DIP2B: variants seen among roughly 807,000 people sequenced by gnomAD.
DIP2B encodes the protein DIP2 acetate--CoA ligase B (putative).
Under a neutral mutation model 198.0 loss-of-function variants are expected in DIP2B, and 76 were observed. The ratio of observed to expected loss-of-function variants is 0.38; its 90% CI spans 0.32 to 0.46. DIP2B has a LOEUF of 0.46. Ranked by LOEUF, DIP2B falls within the 20% of genes least tolerant of loss-of-function variation. The pLI is 0.99. For missense variants in DIP2B, 1,559 were observed against 1,978.4 expected (o/e 0.79, Z 4.02); for synonymous variants, 701 against 739.1 (o/e 0.95, Z 0.84).
chr12:50,735,433 T>G (rs1421509188), intron 34 of DIP2B, among the ~76,000 whole-genome samples: 7 of 150,504 alleles, frequency 4.7e-5, no homozygotes, highest in Admixed American at 2.0e-4. Context: ...TGGTTCTATG[T>G]TTTTTTTTCA....
chr12:50,545,102 T>G (rs1239503113), intron 1 of DIP2B, among the ~76,000 whole-genome samples: 1 of 152,164 alleles, frequency 6.6e-6, no homozygotes, highest in Non-Finnish European at 1.5e-5. Flanking sequence ...GTTTTGGCTT[T>G]TGCGAATGTT....
At chr12:50,726,284 T>C (rs1939932260) in intron 28 of DIP2B, among the ~76,000 whole-genome samples, 1 of 152,166 alleles carries the variant, frequency 6.6e-6, no homozygotes, top group African/African-American at 2.4e-5. Context: ...GGCATACTTA[T>C]AAAGCACATG....
chr12:50,519,334 C>T (rs1958094990), intron 1 of DIP2B, among the ~76,000 whole-genome samples: 1 of 152,134 alleles, frequency 6.6e-6, no homozygotes, highest in South Asian at 2.1e-4. Flanking sequence ...CTCCTGGGCT[C>T]AAGCGATCCT....
intron 2 of DIP2B, among the ~76,000 whole-genome samples, chr12:50,633,017 G>C (rs757912390): frequency 6.6e-6 from 1 of 151,758 alleles, no homozygotes; most frequent in Non-Finnish European, 1.5e-5. Context: ...GGGCTCAAGC[G>C]ATCCTTCTGC....
At chr12:50,718,478 C>T (rs1939775000) in intron 23 of DIP2B, among the ~76,000 whole-genome samples, 1 of 152,090 alleles carries the variant, frequency 6.6e-6, no homozygotes, top group South Asian at 2.1e-4. Context: ...GGTTTTTTTC[C>T]AGTACTTTGC....
Position 50,658,827 on chromosome 12 carries a change from G to A in DIP2B, c.302-1367G>A, listed in dbSNP as rs181527238. Reference sequence around the variant, plus strand: ...AAGCTGGCCGGGCGTGGTGGCTCACGCCTGTAATCCCAGCACTTTAGTAGG... The same window carrying A: ...AAGCTGGCCGGGCGTGGTGGCTCACACCTGTAATCCCAGCACTTTAGTAGG... On this transcript the variant is annotated intron_variant, in intron 3 of 37. Transcript: ENST00000301180. Among the ~76,000 whole-genome samples the A allele has an allele frequency of 2.5e-3, 386 of 152,128 alleles. 1 individual carries two copies. The highest frequency in any genetic ancestry group is 3.5e-3 in the Non-Finnish European group (241 of 67,980).
chr12:50,623,521 ACACACACG>A (rs747860084), intron 1 of DIP2B, among the ~76,000 whole-genome samples: 8 of 141,888 alleles, frequency 5.6e-5, no homozygotes, highest in Non-Finnish European at 1.1e-4. Flanking sequence ...ACACACACAC[ACACACACG>A]CACACACACA....
intron 1 of DIP2B, among the ~76,000 whole-genome samples, chr12:50,511,946 CAAAAAAAAA>C (rs1294473966): frequency 1.5e-4 from 4 of 26,538 alleles, no homozygotes; most frequent in Non-Finnish European, 2.0e-4. Flanking sequence ...GACTCCGTCT[CAAAAAAAAA>C]AAAAAAAAAA....
chr12:50,721,222 G>A, intron 25 of DIP2B, 51 bp from the exon 26 acceptor site: 1 of 1,597,378 alleles, frequency 6.3e-7, no homozygotes, highest in Non-Finnish European at 8.5e-7. Flanking sequence ...GCTTATTACT[G>A]TTTATTTCCT....
intron 1 of DIP2B, 130 bp from the exon 2 acceptor site, chr12:50,625,846 A>G: frequency 2.3e-6 from 2 of 866,508 alleles, no homozygotes; most frequent in Non-Finnish European, 3.6e-6. Flanking sequence ...AAAGAACCAT[A>G]CATTCCCCCC....
At chr12:50,564,341 C>A (rs2139400830) in intron 1 of DIP2B, among the ~76,000 whole-genome samples, 1 of 152,248 alleles carries the variant, frequency 6.6e-6, no homozygotes, top group Non-Finnish European at 1.5e-5. Flanking sequence ...TGTGCTTGTT[C>A]TGTTATGGTG....
intron 37 of DIP2B, among the ~76,000 whole-genome samples, chr12:50,742,126 A>C (rs1382055130): frequency 6.6e-6 from 1 of 152,126 alleles, no homozygotes. Context: ...GGCCGGCCAC[A>C]GTGGCTCACA....
chr12:50,666,848 T>G (rs2700481), intron 4 of DIP2B, among the ~76,000 whole-genome samples: 1 of 151,866 alleles, frequency 6.6e-6, no homozygotes, highest in African/African-American at 2.4e-5. Context: ...GCTGAAACCT[T>G]GTCTCTACTA....
chr12:50,520,605 A>G (rs1357147254), intron 1 of DIP2B, among the ~76,000 whole-genome samples: 2 of 152,192 alleles, frequency 1.3e-5, no homozygotes, highest in East Asian at 3.8e-4. Flanking sequence ...GAAAATGAAC[A>G]TCCTGTTAAA....
At chr12:50,589,186 A>G (rs1220017787) in intron 1 of DIP2B, among the ~76,000 whole-genome samples, 1 of 151,860 alleles carries the variant, frequency 6.6e-6, no homozygotes, top group African/African-American at 2.4e-5. Flanking sequence ...TCTGTCTCAA[A>G]AAAATAAAAT....
intron 1 of DIP2B, among the ~76,000 whole-genome samples, chr12:50,602,142 C>T (rs1958942362): frequency 6.6e-6 from 1 of 152,220 alleles, no homozygotes. Flanking sequence ...CCACCTCTTC[C>T]CTCTTACGAA....
chr12:50,695,804 C>G, intron 15 of DIP2B, 44 bp from the exon 16 acceptor site: 1 of 1,608,382 alleles, frequency 6.2e-7, no homozygotes, highest in Non-Finnish European at 8.5e-7. Context: ...ACATATGTCC[C>G]AAATTTATTG....
intron 1 of DIP2B, among the ~76,000 whole-genome samples, chr12:50,507,751 A>G (rs938919256): frequency 6.6e-5 from 10 of 152,002 alleles, no homozygotes; most frequent in Non-Finnish European, 1.2e-4. Context: ...GGCCAGGCTG[A>G]TCTTAAACTC....
intron 2 of DIP2B, among the ~76,000 whole-genome samples, chr12:50,630,500 T>C (rs535554786): frequency 2.0e-5 from 3 of 152,042 alleles, no homozygotes; most frequent in Non-Finnish European, 4.4e-5. Context: ...TCCTTGTAAA[T>C]TGTTTCTTCT....
Sources: allele counts gnomAD v4.1 joint callset (sites outside exome capture counted in the v4.1 genomes callset), GRCh38; gene constraint gnomAD v4.1.1; transcripts MANE v1.5; gene names NCBI Gene and HGNC (gene_info 2026-07-23, HGNC 2026-07-21).